The following TET3 variants were observed in gnomAD, a reference collection of about 807,000 sequenced individuals.
TET3 encodes tet methylcytosine dioxygenase 3, also known as methylcytosine dioxygenase TET3.
A neutral mutation model predicts 141.4 loss-of-function variants in TET3; 19 were observed. The observed-to-expected ratio is 0.13, with a 90% confidence interval of 0.09 to 0.20. The LOEUF (loss-of-function observed/expected upper bound fraction) is 0.20. Ranked by LOEUF, TET3 falls within the 10% of genes least tolerant of loss-of-function variation. The pLI, the probability that TET3 is intolerant of heterozygous loss-of-function variation, is 1.00. For missense variants in TET3, 1,874 were observed against 2,356.9 expected, an observed-to-expected ratio of 0.80 and a Z score of 4.24; for synonymous variants, 1,043 against 980.9, an observed-to-expected ratio of 1.06 and a Z score of -1.18.
intron 4 of TET3, among the ~76,000 whole-genome samples, chr2:74,049,562 C>T (rs1046426612): frequency 6.6e-6 from 1 of 152,160 alleles, no homozygotes; most frequent in Admixed American, 6.5e-5. Context: ...CAGATGTTGA[C>T]AGAAAACACA....
In TET3 at chr2:74,087,791, G is replaced by A; in HGVS notation, c.2680-39G>A. On this transcript the variant is annotated intron_variant, in intron 6 of 11. Transcript: ENST00000409262. The surrounding 1 kb of genome is among the most constrained non-coding windows in gnomAD (Gnocchi z 4.3). The stretch of plus-strand genomic sequence containing the variant: ...GGTGGCACCATGCAGAGGAGCACGG[G>A]TACCTGGCTCCTGCCCCTCACACCC... 1 of 1,516,040 alleles carries A rather than the reference G, an allele frequency of 6.6e-7. No individual in the cohort carries two copies. The highest frequency in any genetic ancestry group is 8.9e-7 in the Non-Finnish European group (1 of 1,125,826). The allele number at this position is 1,516,040 out of a possible 1,614,324, so 93.9% of individuals were successfully genotyped here. A position where few individuals can be genotyped will look rare whatever the true frequency, so the allele number is the denominator to read the frequency against.
At chr2:73,990,687 C>T (rs1178470770) in intron 2 of TET3, among the ~76,000 whole-genome samples, 1 of 152,160 alleles carries the variant, frequency 6.6e-6, no homozygotes, top group Non-Finnish European at 1.5e-5. Flanking sequence ...TACTTTCTAG[C>T]CCTCAGCCAA....
intron 4 of TET3, among the ~76,000 whole-genome samples, chr2:74,065,588 G>A (rs1480013863): frequency 2.2e-5 from 3 of 133,946 alleles, no homozygotes; most frequent in Admixed American, 7.6e-5. Flanking sequence ...CACCTGGTTC[G>A]TCCGTCCTTC....
At chr2:74,120,640 G>C in the TET3 span, 1 of 152,378 alleles carries the variant, frequency 6.6e-6, no homozygotes, top group Non-Finnish European at 1.5e-5. Flanking sequence ...CAGGAGGCAA[G>C]GGCGTGGCCG....
chr2:74,097,191 A>G (rs1355263288), intron 10 of TET3, among the ~76,000 whole-genome samples: 2 of 136,526 alleles, frequency 1.5e-5, no homozygotes, highest in South Asian at 2.4e-4. Flanking sequence ...ATATAGCCAT[A>G]CATGCACACA....
At position 74,090,045 on chromosome 2, in the gene TET3, G is replaced by A; in HGVS notation, c.3037G>A (p.Glu1013Lys). 1 of 1,613,944 alleles carries A rather than the reference G, an allele frequency of 6.2e-7. No individual in the cohort carries two copies. Among genetic ancestry groups the A allele is most frequent in the Non-Finnish European group, 8.5e-7 (1 of 1,179,870 alleles). ...CCGCCTCGCAGGGGACAATCCCAAAGAGGTGAGCAGAGCTGGGCGGGGACC... is the reference window on the plus strand; with the variant it reads ...CCGCCTCGCAGGGGACAATCCCAAAAAGGTGAGCAGAGCTGGGCGGGGACC... ...KFRLAGDNPKEEEVLRKSFQD... is the reference protein window; with the variant it reads ...KFRLAGDNPKKEEVLRKSFQD... Residue 1013 changes from glutamate (E) to lysine (K), a missense_variant and splice_region_variant, in exon 8 of 12, where the codon GAG becomes AAG. Glu to Lys is a moderately conservative substitution (Grantham distance 56). Around this residue, in one of 10 missense-constraint regions of TET3, gnomAD observed 126 missense variants for 327.4 expected, o/e 0.38. Coordinates refer to ENST00000409262, the MANE Select transcript of TET3 (RefSeq NM_001287491.2).
At chr2:74,135,308 A>G in the TET3 span, 6 of 517,266 alleles carry the variant, frequency 1.2e-5, no homozygotes, top group Non-Finnish European at 2.0e-5. Context: ...AAAGACAAAA[A>G]GCTGGCACTG....
chr2:74,054,847 G>A (rs888869187), intron 4 of TET3, among the ~76,000 whole-genome samples: 4 of 152,306 alleles, frequency 2.6e-5, no homozygotes, highest in African/African-American at 7.2e-5. Flanking sequence ...AGTCTTTGCA[G>A]TTAAAGCCCA....
chr2:73,984,791 C>A (rs1055788327), upstream of TET3, among the ~76,000 whole-genome samples: 11 of 149,358 alleles, frequency 7.4e-5, no homozygotes, highest in South Asian at 1.5e-3. The surrounding 1 kb of genome is among the most constrained non-coding windows in gnomAD (Gnocchi z 5.6). Flanking sequence ...GGAACCACCC[C>A]CCTCTCGCCC....
intron 4 of TET3, among the ~76,000 whole-genome samples, chr2:74,062,097 C>G (rs1009406391): frequency 2.6e-5 from 4 of 152,146 alleles, no homozygotes; most frequent in African/African-American, 9.7e-5. Context: ...TGTAGCGAGC[C>G]GAGAGCACGC....
chr2:74,055,392 G>C (rs12476999), intron 4 of TET3, among the ~76,000 whole-genome samples: 1 of 152,278 alleles, frequency 6.6e-6, no homozygotes, highest in African/African-American at 2.4e-5. Flanking sequence ...TAAAGGCCCA[G>C]CATGCTGTAC....
rs1684024572 is a variant in TET3 at position 73,986,333 on chromosome 2, T to A, written c.-71T>A. ...GTTCTAGGCGAGAAGGACCTGTTGG[T>A]GGCCTTTGGAGGTGGCAGGAAACGA... On this transcript the variant is annotated 5_prime_UTR_variant, in exon 2 of 12. Coordinates refer to ENST00000409262, the MANE Select transcript of TET3 (RefSeq NM_001287491.2). 8.2e-7 allele frequency: 1 copy of A among 1,214,284 alleles called. No homozygotes were observed. Among genetic ancestry groups the A allele is most frequent in the South Asian group, 4.2e-5 (1 of 23,558 alleles). The allele number at this position is 1,214,284 out of a possible 1,614,324, so 75.2% of individuals were successfully genotyped here.
At chr2:74,088,371 C>T (rs1050432163) in intron 7 of TET3, among the ~76,000 whole-genome samples, 1 of 152,124 alleles carries the variant, frequency 6.6e-6, no homozygotes, top group Non-Finnish European at 1.5e-5. Context: ...CTTGGCCAGG[C>T]GTGGTCCATG....
At chr2:73,992,280 C>G (rs1684364405) in intron 2 of TET3, among the ~76,000 whole-genome samples, 1 of 150,192 alleles carries the variant, frequency 6.7e-6, no homozygotes, top group African/African-American at 2.5e-5. Flanking sequence ...GATGTGATTG[C>G]AAAATCACAA....
At position 74,101,335 on chromosome 2, in the gene TET3, G is replaced by A; in HGVS notation, c.4547G>A (p.Cys1516Tyr). ...CTGCGAGGCAAACCGTGGAGCCCCT[G>A]CAAGTTTGGGAACAGCACCTCGGCC... ...GRLRGKPWSP[C>Y]KFGNSTSALA... The change falls in exon 12 of 12, where the codon TGC (cysteine) becomes TAC (tyrosine). Residue 1516 changes from cysteine (C) to tyrosine (Y), a missense_variant. Physicochemically the swap from Cys to Tyr is radical, Grantham distance 194. Around this residue, in one of 10 missense-constraint regions of TET3, gnomAD observed 602 missense variants for 590.2 expected, o/e 1.02. Transcript: ENST00000409262. This position sits in a 1 kb window ranked among gnomAD's most constrained non-coding sequence, Gnocchi z 8.5. The A allele has an allele frequency of 6.2e-7, 1 of 1,613,802 alleles. No individual in the cohort carries two copies. The highest frequency in any genetic ancestry group is 8.5e-7 in the Non-Finnish European group (1 of 1,179,842).
the TET3 span, among the ~76,000 whole-genome samples, chr2:74,114,872 A>AAAAAAAAAAAAAAAAAAAAAT: frequency 6.7e-6 from 1 of 149,962 alleles, no homozygotes; most frequent in African/African-American, 2.5e-5. Context: ...AAAAAAAAAA[A>AAAAAAAAAAAAAAAAAAAAAT]AAGATGCTGG....
Position 74,046,727 on chromosome 2 carries a change from C to T in TET3, c.810C>T (p.Pro270=). The T allele has an allele frequency of 1.2e-6, 2 of 1,613,962 alleles. No homozygotes were observed. The highest frequency in any genetic ancestry group is 1.1e-5 in the South Asian group (1 of 91,086). The change falls in exon 4 of 12, where the codon CCC becomes CCT. Residue 270 remains proline, a synonymous_variant. Coordinates refer to ENST00000409262, the MANE Select transcript of TET3 (RefSeq NM_001287491.2). The surrounding 1 kb of genome is among the most constrained non-coding windows in gnomAD (Gnocchi z 4.3). ...LALARHGMKP[P]NCNCDGPECP... is the part of the protein sequence containing the mutation. ...TCGCGCGGCATGGTATGAAACCACC[C>T]AACTGCAACTGCGATGGCCCAGAAT... is the stretch of plus-strand genomic sequence containing the variant.
downstream of TET3, among the ~76,000 whole-genome samples, chr2:74,111,149 C>T (rs1228092471): frequency 6.6e-6 from 1 of 152,208 alleles, no homozygotes; most frequent in African/African-American, 2.4e-5. Context: ...GACCCTGCCC[C>T]CTTTCATGAG....
intron 3 of TET3, among the ~76,000 whole-genome samples, chr2:74,031,239 A>C (rs1686669487): frequency 6.6e-6 from 1 of 151,884 alleles, no homozygotes; most frequent in South Asian, 2.1e-4. Flanking sequence ...GGAGGAGGAA[A>C]AGGAGAATGG....
Sources: allele counts gnomAD v4.1 joint callset (sites outside exome capture counted in the v4.1 genomes callset), GRCh38; gene constraint gnomAD v4.1.1; regional missense constraint gnomAD v4.1.1; non-coding constraint Gnocchi (gnomAD v3.1); transcripts MANE v1.5; gene names NCBI Gene and HGNC (gene_info 2026-07-23, HGNC 2026-07-21).